PPP1R42: variants seen among roughly 807,000 people sequenced by gnomAD.
PPP1R42 encodes the protein leucine rich repeat containing 67.
PPP1R42 carries 34 observed loss-of-function variants against 31.0 expected under a neutral mutation model. The ratio of observed to expected loss-of-function variants is 1.10; its 90% confidence interval spans 0.83 to 1.46. PPP1R42 has a LOEUF of 1.46. Among genes scored for constraint, PPP1R42 ranks in the 40% most tolerant of loss-of-function variants. PPP1R42 has a pLI of 0.00. For synonymous variants in PPP1R42, 103 were observed against 109.8 expected, an observed-to-expected ratio of 0.94 and a Z score of 0.39; for missense variants, 268 against 303.0, an observed-to-expected ratio of 0.88 and a Z score of 0.86.
At chr8:66,967,065 C>T (rs1418733487) in intron 7 of PPP1R42, among the ~76,000 whole-genome samples, 1 of 152,174 alleles carries the variant, frequency 6.6e-6, no homozygotes, top group Non-Finnish European at 1.5e-5. Flanking sequence ...CAGCCTTAAC[C>T]TCCTGGGCTC....
intron 6 of PPP1R42, among the ~76,000 whole-genome samples, chr8:66,987,593 C>T (rs1407503052): frequency 6.6e-6 from 1 of 152,094 alleles, no homozygotes; most frequent in Non-Finnish European, 1.5e-5. Flanking sequence ...CGCCCGGCCT[C>T]AAATGTTCTT....
intron 5 of PPP1R42, among the ~76,000 whole-genome samples, chr8:67,002,886 G>A (rs1343548621): frequency 6.6e-6 from 1 of 151,084 alleles, no homozygotes; most frequent in East Asian, 1.9e-4. Context: ...AGGCTTGGTG[G>A]CCCACGCCTG....
chr8:66,999,085 A>T (rs1291273038), intron 5 of PPP1R42, among the ~76,000 whole-genome samples: 1 of 151,972 alleles, frequency 6.6e-6, no homozygotes, highest in Non-Finnish European at 1.5e-5. Flanking sequence ...ACAGGGTCTT[A>T]CTTTGTTCCC....
intron 5 of PPP1R42, among the ~76,000 whole-genome samples, chr8:67,001,481 C>T (rs1173801799): frequency 6.7e-6 from 1 of 150,172 alleles, no homozygotes; most frequent in East Asian, 1.9e-4. Flanking sequence ...TTTAAGACTA[C>T]TGTCTTGCTA....
At chr8:66,998,620 C>G (rs1375866162) in intron 5 of PPP1R42, among the ~76,000 whole-genome samples, 1 of 152,158 alleles carries the variant, frequency 6.6e-6, no homozygotes, top group East Asian at 1.9e-4. Flanking sequence ...AACATCCTTC[C>G]TTTATTCTTA....
intron 5 of PPP1R42, among the ~76,000 whole-genome samples, chr8:67,003,166 CAAAAAAA>C (rs529377387): frequency 1.7e-5 from 1 of 57,708 alleles, no homozygotes; most frequent in Non-Finnish European, 3.7e-5. Context: ...AACTCCGTCT[CAAAAAAA>C]AAAAAAAAAA....
chr8:66,988,537 A>G lies in PPP1R42; in HGVS notation c.553-20T>C. The stretch of plus-strand genomic sequence containing the variant: ...CAAATCCTATAATTAGAGAAGAAAA[A>G]GCAAAGCACAAGCATTTCATATTTA... On this transcript the variant is annotated intron_variant, in intron 5 of 7. Coordinates refer to ENST00000685739, the MANE Select transcript of PPP1R42 (RefSeq NM_001364910.1). The G allele has an allele frequency of 6.3e-7, 1 of 1,588,210 alleles. No individual in the cohort carries two copies.
chr8:67,001,330 C>T (rs1300235963), intron 5 of PPP1R42, among the ~76,000 whole-genome samples: 8 of 149,248 alleles, frequency 5.4e-5, no homozygotes, highest in Non-Finnish European at 8.9e-5. Flanking sequence ...ACATTACAGG[C>T]GTCACCATGC....
At chr8:66,986,237 G>A in intron 6 of PPP1R42, 2 of 532,560 alleles carry the variant, frequency 3.8e-6, no homozygotes, top group Admixed American at 2.4e-5. Flanking sequence ...ACCGCGCCCT[G>A]CCTGACATCA....
intron 5 of PPP1R42, among the ~76,000 whole-genome samples, chr8:66,996,480 T>TA (rs1339170586): frequency 2.6e-5 from 4 of 152,242 alleles, no homozygotes; most frequent in South Asian, 2.1e-4. Context: ...TCTATGTACT[T>TA]ACCACAGTTC....
At chr8:66,972,467 A>G (rs1184969112) in intron 7 of PPP1R42, among the ~76,000 whole-genome samples, 1 of 152,012 alleles carries the variant, frequency 6.6e-6, no homozygotes, top group African/African-American at 2.4e-5. Flanking sequence ...TCGGCTCACT[A>G]CAACCTTTGC....
At chr8:67,016,243 T>A (rs1816013955) in intron 2 of PPP1R42, among the ~76,000 whole-genome samples, 1 of 152,224 alleles carries the variant, frequency 6.6e-6, no homozygotes. Context: ...TTTCTTTCAT[T>A]TGTTCAATAA....
chr8:67,017,762 T>A lies in PPP1R42; in HGVS notation c.-15A>T. 1 of 1,567,030 alleles carries A rather than the reference T, an allele frequency of 6.4e-7. No individual in the cohort carries two copies. On this transcript the variant is annotated 5_prime_UTR_variant, in exon 2 of 8. Coordinates refer to ENST00000685739, the MANE Select transcript of PPP1R42 (RefSeq NM_001364910.1). Reference sequence around the variant, plus strand: ...AGTCGAACCATAATTTCTTTATAAATCAAACTCTCAGCAAAAGCTCTGTTT... The same window carrying A: ...AGTCGAACCATAATTTCTTTATAAAACAAACTCTCAGCAAAAGCTCTGTTT...
At chr8:67,019,064 G>C (rs1374500737) in intron 1 of PPP1R42, among the ~76,000 whole-genome samples, 2 of 148,134 alleles carry the variant, frequency 1.4e-5, no homozygotes, top group African/African-American at 5.0e-5. Flanking sequence ...TTGAACTCCT[G>C]AGCTCAGGCA....
Position 67,010,700 on chromosome 8 carries a change from T to G in PPP1R42, c.552+15A>C. The G allele has an allele frequency of 6.7e-7, 1 of 1,493,084 alleles. No homozygotes were observed. The highest frequency in any genetic ancestry group is 9.2e-7 in the Non-Finnish European group (1 of 1,083,308). 92.5% of individuals were successfully genotyped at this position (1,493,084 alleles called of 1,614,324 possible). A position where few individuals can be genotyped will look rare whatever the true frequency, so the allele number is the denominator to read the frequency against. ...TCATGTAAATATCTTAAAAATTAAT[T>G]TCTCTTTACACTACCTTCACATGCA... On this transcript the variant is annotated intron_variant, in intron 5 of 7. Coordinates refer to ENST00000685739, the MANE Select transcript of PPP1R42 (RefSeq NM_001364910.1).
intron 4 of PPP1R42, 120 bp downstream of exon 4, chr8:67,012,838 G>A: frequency 1.2e-6 from 1 of 867,756 alleles, no homozygotes; most frequent in Non-Finnish European, 1.7e-6. Context: ...TAAGCTCTGA[G>A]CTGGCCATAT....
chr8:66,982,115 T>C lies in PPP1R42; in HGVS notation c.736A>G (p.Lys246Glu). 1.3e-6 allele frequency: 2 copies of C among 1,491,764 alleles called. No individual in the cohort carries two copies. Among genetic ancestry groups the C allele is most frequent in the East Asian group, 2.5e-5 (1 of 39,380 alleles). The allele number at this position is 1,491,764 out of a possible 1,614,324, so 92.4% of individuals were successfully genotyped here. ...TTTTTGCTGATTTTCTTGGCATCTT[T>C]GGATGCTTTCCAATTCATTAGGAAT... ...RQFLMNWKAS[K>E]DAKKISKKRS... The change falls in exon 7 of 8, where the codon AAA becomes GAA. Residue 246 changes from lysine to glutamate, a missense_variant. Coordinates refer to ENST00000685739, the MANE Select transcript of PPP1R42 (RefSeq NM_001364910.1).
intron 5 of PPP1R42, among the ~76,000 whole-genome samples, chr8:66,994,823 T>G (rs1815290665): frequency 6.6e-6 from 1 of 152,228 alleles, no homozygotes; most frequent in African/African-American, 2.4e-5. Context: ...TTAGAGATAA[T>G]AGTAAATTAT....
At chr8:67,017,043 G>A (rs1816036967) in intron 2 of PPP1R42, among the ~76,000 whole-genome samples, 1 of 151,838 alleles carries the variant, frequency 6.6e-6, no homozygotes, top group Non-Finnish European at 1.5e-5. Flanking sequence ...CAGTGTTGTA[G>A]GAGAACTGTA....
Sources: gnomAD v4.1 joint callset for allele counts (sites outside exome capture counted in the v4.1 genomes callset) on GRCh38, gnomAD v4.1.1 for gene constraint, MANE v1.5 for transcripts, NCBI Gene and HGNC (gene_info 2026-07-23, HGNC 2026-07-21) for gene names.